KLHL1: variants seen among roughly 807,000 people sequenced by gnomAD.
KLHL1 encodes the protein kelch like family member 1, also known as kelch-like protein 1.
In KLHL1, 47 loss-of-function variants were observed where a neutral mutation model predicts 77.7. The observed-to-expected ratio is 0.60, with a 90% CI of 0.48 to 0.77. The LOEUF (loss-of-function observed/expected upper bound fraction) is 0.77. Ranked by LOEUF, KLHL1 falls within the 30% of genes least tolerant of loss-of-function variation. KLHL1 has a pLI of 0.00. For synonymous variants in KLHL1, 360 were observed against 325.2 expected, an observed-to-expected ratio of 1.11 and a Z score of -1.15; for missense variants, 925 against 910.8, an observed-to-expected ratio of 1.02 and a Z score of -0.20.
intron 4 of KLHL1, among the ~76,000 whole-genome samples, chr13:69,899,543 G>T (rs1282491903): frequency 6.6e-6 from 1 of 152,138 alleles, no homozygotes; most frequent in Non-Finnish European, 1.5e-5. Context: ...ACGATATATT[G>T]ATGCTAGTCA....
intron 6 of KLHL1, among the ~76,000 whole-genome samples, chr13:69,827,762 A>C (rs1878607910): frequency 6.6e-6 from 1 of 151,008 alleles, no homozygotes; most frequent in African/African-American, 2.4e-5. Context: ...AGTTATTCTT[A>C]GCACATCTCA....
chr13:69,914,275 A>G (rs1421673623), intron 4 of KLHL1, among the ~76,000 whole-genome samples: 1 of 152,164 alleles, frequency 6.6e-6, no homozygotes, highest in African/African-American at 2.4e-5. Context: ...ACATCTTCAC[A>G]TTATACATTT....
chr13:69,795,308 G>A (rs1877055679), intron 7 of KLHL1, among the ~76,000 whole-genome samples: 1 of 152,066 alleles, frequency 6.6e-6, no homozygotes, highest in South Asian at 2.1e-4. Context: ...GATTGATGGT[G>A]GAGTAGACAT....
chr13:69,810,425 GC>G (rs944818743), intron 6 of KLHL1, among the ~76,000 whole-genome samples: 16 of 151,978 alleles, frequency 1.1e-4, no homozygotes, highest in Non-Finnish European at 1.3e-4. Context: ...TAAACAACTT[GC>G]CCCTGAATGA....
intron 7 of KLHL1, among the ~76,000 whole-genome samples, chr13:69,769,465 C>T (rs1875459857): frequency 6.6e-6 from 1 of 152,124 alleles, no homozygotes; most frequent in Non-Finnish European, 1.5e-5. Flanking sequence ...CCTGGTGAAA[C>T]CCAACCTTCA....
At chr13:70,016,980 C>G (rs1885674974) in intron 1 of KLHL1, among the ~76,000 whole-genome samples, 1 of 152,142 alleles carries the variant, frequency 6.6e-6, no homozygotes, top group African/African-American at 2.4e-5. Flanking sequence ...CACTGTGGGT[C>G]CCCTCTCCAC....
intron 1 of KLHL1, among the ~76,000 whole-genome samples, chr13:70,038,166 C>T: frequency 6.6e-6 from 1 of 152,136 alleles, no homozygotes; most frequent in East Asian, 1.9e-4. Flanking sequence ...AGTAAAGTGA[C>T]CTTTGAGATT....
intron 1 of KLHL1, among the ~76,000 whole-genome samples, chr13:70,014,443 CATA>C (rs1885608523): frequency 1.3e-5 from 2 of 151,936 alleles, no homozygotes; most frequent in African/African-American, 2.4e-5. Flanking sequence ...TGGTGCAGTC[CATA>C]ATAAGTATTC....
At chr13:69,778,677 A>C (rs1827996623) in intron 7 of KLHL1, among the ~76,000 whole-genome samples, 2 of 152,186 alleles carry the variant, frequency 1.3e-5, no homozygotes, top group Admixed American at 1.3e-4. Context: ...ATAAGAAACA[A>C]GGCACAAAAT....
chr13:69,713,623 T>G (rs555778257), intron 9 of KLHL1, among the ~76,000 whole-genome samples: 37 of 152,288 alleles, frequency 2.4e-4, no homozygotes, highest in African/African-American at 8.4e-4. Flanking sequence ...TTTATATACA[T>G]GCTTTATCAA....
chr13:69,935,730 G>C (rs73510151), intron 4 of KLHL1, among the ~76,000 whole-genome samples: 7,571 of 152,174 alleles, frequency 0.05, 444 homozygotes, highest in African/African-American at 0.14. Flanking sequence ...AGTGTGGCTA[G>C]AACTGTATGA....
intron 6 of KLHL1, among the ~76,000 whole-genome samples, chr13:69,823,260 G>A (rs973955984): frequency 3.3e-5 from 5 of 152,020 alleles, no homozygotes; most frequent in African/African-American, 4.8e-5. Context: ...CAGAGAAATA[G>A]GAAATGTTAT....
chr13:70,106,805 C>T (rs1167757945), intron 1 of KLHL1, among the ~76,000 whole-genome samples: 4 of 152,064 alleles, frequency 2.6e-5, no homozygotes, highest in African/African-American at 4.8e-5. Flanking sequence ...GTTACTAGGC[C>T]AATATATGAG....
chr13:69,886,089 T>C (rs1311987506), intron 4 of KLHL1, among the ~76,000 whole-genome samples: 2 of 152,114 alleles, frequency 1.3e-5, no homozygotes. Context: ...GGAGTAGAGG[T>C]AGTCTAAAAC....
intron 1 of KLHL1, among the ~76,000 whole-genome samples, chr13:70,020,029 A>G (rs1399183661): frequency 1.3e-5 from 2 of 152,134 alleles, no homozygotes; most frequent in Non-Finnish European, 2.9e-5. Context: ...AGGAAGCAGC[A>G]AAAAGGCCCT....
chr13:69,707,865 T>G, intron 9 of KLHL1, 69 bp from the exon 10 acceptor site: 1 of 1,345,798 alleles, frequency 7.4e-7, no homozygotes, highest in Non-Finnish European at 1.0e-6. Context: ...AAAATTTTAC[T>G]TTTTACAAAG....
chr13:70,041,461 G>T (rs1406983166), intron 1 of KLHL1, among the ~76,000 whole-genome samples: 1 of 152,118 alleles, frequency 6.6e-6, no homozygotes, highest in Non-Finnish European at 1.5e-5. Context: ...CAGCCTCCAT[G>T]GACAAGATAA....
chr13:70,021,187 A>G (rs1015048824), intron 1 of KLHL1, among the ~76,000 whole-genome samples: 3 of 151,886 alleles, frequency 2.0e-5, no homozygotes, highest in Admixed American at 6.6e-5. Context: ...CTCCTATTCA[A>G]TCCTGCCTCC....
At chr13:69,798,781 A>C (rs1241857152) in intron 6 of KLHL1, among the ~76,000 whole-genome samples, 4 of 152,134 alleles carry the variant, frequency 2.6e-5, no homozygotes, top group African/African-American at 9.7e-5. Flanking sequence ...AGAGTTATAC[A>C]CAGATGGCCT....
Sources: allele counts gnomAD v4.1 joint callset (sites outside exome capture counted in the v4.1 genomes callset), GRCh38; gene constraint gnomAD v4.1.1; transcripts MANE v1.5; gene names NCBI Gene and HGNC (gene_info 2026-07-23, HGNC 2026-07-21).